The following ZNF185 variants were observed in gnomAD, a reference collection of about 807,000 sequenced individuals.
ZNF185 encodes the protein zinc finger protein 185 with LIM domain.
A neutral mutation model predicts 58.6 loss-of-function variants in ZNF185; 56 were observed. That is an observed-to-expected ratio of 0.95 (90% CI 0.77 to 1.19). The LOEUF is 1.19. Among genes scored for constraint, ZNF185 ranks in the 50% most tolerant of loss-of-function variants. The pLI is 0.00. For missense variants in ZNF185, 627 were observed against 573.5 expected (o/e 1.09, Z -0.95); for synonymous variants, 230 against 215.9 (o/e 1.07, Z -0.57).
At chrX:152,914,323 G>A (rs1170991834), upstream of ZNF185, 3 of 468,180 alleles carry the variant, frequency 6.4e-6, no homozygotes, top group African/African-American at 2.5e-5. Flanking sequence ...CTCCACCAAC[G>A]CTTGCCACCC....
chrX:152,921,008 C>T (rs1489382150), intron 9 of ZNF185, among the ~76,000 whole-genome samples: 1 of 112,800 alleles, frequency 8.9e-6, no homozygotes, highest in Non-Finnish European at 1.9e-5. Flanking sequence ...CAACGTGGAG[C>T]ATTTCCAAGG....
At chrX:152,928,630 C>T in exon 12 of ZNF185, 2 of 1,211,688 alleles carry the variant, frequency 1.7e-6, no homozygotes, top group African/African-American at 1.7e-5. Context: ...GGCAGGACTC[C>T]GCCTGGTGGC....
At chrX:152,918,140 G>C in exon 6 of ZNF185, 1 of 1,193,816 alleles carries the variant, frequency 8.4e-7, no homozygotes, top group Admixed American at 2.3e-5. Flanking sequence ...TGACCACTGA[G>C]GATTACAAGA....
exon 14 of ZNF185, chrX:152,932,935 G>T: frequency 1.7e-6 from 2 of 1,205,202 alleles, no homozygotes; most frequent in Non-Finnish European, 2.2e-6. Flanking sequence ...CGGCCTGAAG[G>T]CTTGGCTGCA....
chrX:152,956,550 C>T (rs1472190547), intron 16 of ZNF185, among the ~76,000 whole-genome samples: 1 of 111,338 alleles, frequency 9.0e-6, no homozygotes, highest in East Asian at 2.8e-4. Context: ...AGCAGCCTGG[C>T]CAACATGGTG....
At chrX:152,922,678 T>C in intron 10 of ZNF185, 42 bp from the exon 12 acceptor site, 1 of 1,135,364 alleles carries the variant, frequency 8.8e-7, no homozygotes, top group Non-Finnish European at 1.2e-6. Flanking sequence ...GGGAGGAGGC[T>C]CTGACATCTC....
intron 6 of ZNF185, among the ~76,000 whole-genome samples, chrX:152,918,558 T>C (rs1556867638): frequency 8.9e-6 from 1 of 112,695 alleles, no homozygotes. Flanking sequence ...GGTGCTGCTG[T>C]CAGTCTGAGC....
At chrX:152,918,749 T>C (rs946631485) in intron 6 of ZNF185, among the ~76,000 whole-genome samples, 1 of 111,810 alleles carries the variant, frequency 8.9e-6, no homozygotes, top group African/African-American at 3.3e-5. Context: ...TTCCGTTGTT[T>C]GTCCCTTGCC....
At chrX:152,920,287 T>A (rs1238517094) in intron 7 of ZNF185, 41 bp from the exon 9 acceptor site, 1 of 1,182,350 alleles carries the variant, frequency 8.5e-7, no homozygotes, top group East Asian at 3.0e-5. Flanking sequence ...CATGTCCAGC[T>A]TGGCACCCAT....
intron 17 of ZNF185, among the ~76,000 whole-genome samples, chrX:152,963,144 A>G (rs2049718705): frequency 8.8e-6 from 1 of 113,003 alleles, no homozygotes; most frequent in Middle Eastern, 4.6e-3. Flanking sequence ...ACTGCAGTTG[A>G]CAGCTACGGC....
chrX:152,938,404 A>G (rs183837655), intron 15 of ZNF185, among the ~76,000 whole-genome samples: 1 of 112,562 alleles, frequency 8.9e-6, no homozygotes, highest in Non-Finnish European at 1.9e-5. Context: ...TCAGTCAGCA[A>G]CCACTCTGAC....
At chrX:152,944,563 G>GA (rs2047582656) in intron 15 of ZNF185, among the ~76,000 whole-genome samples, 1 of 112,232 alleles carries the variant, frequency 8.9e-6, no homozygotes, top group Non-Finnish European at 1.9e-5. Flanking sequence ...GGATCAGCTA[G>GA]CAGCCTCTTT....
At chrX:152,969,436 G>C (rs781960995) in exon 21 of ZNF185, 1 of 1,208,573 alleles carries the variant, frequency 8.3e-7, no homozygotes, top group Admixed American at 2.2e-5. Context: ...ACTGTCCAAA[G>C]ATTACCCTAG....
At chrX:152,952,889 G>T (rs1301397104) in intron 16 of ZNF185, among the ~76,000 whole-genome samples, 3 of 107,747 alleles carry the variant, frequency 2.8e-5, no homozygotes, top group Non-Finnish European at 5.8e-5. Context: ...TGCCATAGGG[G>T]CAGGGCATGT....
At chrX:152,922,728 G>A (rs1556870326) in exon 11 of ZNF185, 1 of 1,199,848 alleles carries the variant, frequency 8.3e-7, no homozygotes, top group Non-Finnish European at 1.1e-6. Flanking sequence ...AGTGCGGATG[G>A]AGGCAGGACC....
chrX:152,962,768 G>C (rs1433622979), intron 17 of ZNF185, among the ~76,000 whole-genome samples: 1 of 112,686 alleles, frequency 8.9e-6, no homozygotes, highest in African/African-American at 3.2e-5. Context: ...TGAGAGCCTG[G>C]AAGTCCAGGG....
chrX:152,904,709 T>C, the ZNF185 span, among the ~76,000 whole-genome samples: 1 of 111,876 alleles, frequency 8.9e-6, no homozygotes, highest in African/African-American at 3.3e-5. Context: ...GGCTTGTCCT[T>C]GCACTTCCCA....
At chrX:152,965,983 A>T (rs2050066163) in intron 19 of ZNF185, among the ~76,000 whole-genome samples, 1 of 109,711 alleles carries the variant, frequency 9.1e-6, no homozygotes, top group Non-Finnish European at 1.9e-5. Context: ...TTTGCTTTTT[A>T]ATTTTAATTA....
At chrX:152,914,940 G>T (rs887562323) in intron 2 of ZNF185, 107 bp downstream of exon 3, 2 of 1,059,565 alleles carry the variant, frequency 1.9e-6, no homozygotes, top group Admixed American at 2.8e-5. Context: ...TCAGAGCTCC[G>T]CCAGGCCATG....
Sources: gnomAD v4.1 joint callset for allele counts (sites outside exome capture counted in the v4.1 genomes callset) on GRCh38, gnomAD v4.1.1 for gene constraint, MANE v1.5 for transcripts, NCBI Gene and HGNC (gene_info 2026-07-23, HGNC 2026-07-21) for gene names.